NUDCD1: variants seen among roughly 807,000 people sequenced by gnomAD.
NUDCD1 encodes NudC domain containing 1.
NUDCD1 carries 60 observed loss-of-function variants against 67.8 expected under a neutral mutation model. The ratio of observed to expected loss-of-function variants is 0.88; its 90% CI spans 0.72 to 1.10. The LOEUF is 1.10. Ranked by LOEUF, NUDCD1 falls within the 50% of genes least tolerant of loss-of-function variation. The pLI is 0.00. For synonymous variants in NUDCD1, 244 were observed against 230.8 expected (o/e 1.06, Z -0.52); for missense variants, 643 against 695.0 (o/e 0.93, Z 0.84).
intron 7 of NUDCD1, among the ~76,000 whole-genome samples, chr8:109,271,578 C>A (rs1814158180): frequency 6.6e-6 from 1 of 152,048 alleles, no homozygotes; most frequent in Admixed American, 6.6e-5. Flanking sequence ...ACCTGTGGAA[C>A]AATATCAAAT....
intron 4 of NUDCD1, among the ~76,000 whole-genome samples, chr8:109,292,452 T>C (rs1056238530): frequency 1.3e-5 from 2 of 152,064 alleles, no homozygotes; most frequent in Non-Finnish European, 2.9e-5. Context: ...TGTTTTAGAA[T>C]AAAAGGCAAA....
Position 109,240,982 on chromosome 8 carries a change from C to T in NUDCD1, c.*2027G>A, listed in dbSNP as rs887108973. The T allele has an allele frequency of 7.2e-5, 11 of 152,048 alleles. No individual in the cohort carries two copies. The highest frequency in any genetic ancestry group is 2.7e-4 in the African/African-American group (11 of 41,404). The allele number at this position is 152,048 out of a possible 1,614,324, so 9.4% of individuals were successfully genotyped here. A position where few individuals can be genotyped will look rare whatever the true frequency, so the allele number is the denominator to read the frequency against. On this transcript the variant is annotated 3_prime_UTR_variant, in exon 10 of 10. Coordinates refer to ENST00000239690, the MANE Select transcript of NUDCD1 (RefSeq NM_032869.4). ...ATATTTTATAAATTCCTATTTAAAA[C>T]ATGATAAAAATCAACAAAAATACAA...
At position 109,293,311 on chromosome 8, in the gene NUDCD1, A is replaced by G. The variant is rs777961101; in HGVS notation, c.640+33T>C. The G allele has an allele frequency of 1.1e-5, 13 of 1,207,588 alleles. No individual in the cohort carries two copies. In the African/African-American group the frequency reaches 1.7e-4, roughly 16 times the overall value. 74.8% of individuals were successfully genotyped at this position (1,207,588 alleles called of 1,614,324 possible). A position where few individuals can be genotyped will look rare whatever the true frequency, so the allele number is the denominator to read the frequency against. On this transcript the variant is annotated intron_variant, in intron 4 of 9. Transcript: ENST00000239690. The stretch of plus-strand genomic sequence containing the variant: ...TTTCAAAATCTACTAAATAATGCCA[A>G]CCAGTAGAGACAGATTCAGACTTTT...
intron 5 of NUDCD1, among the ~76,000 whole-genome samples, chr8:109,282,661 C>T (rs1814474662): frequency 7.2e-6 from 1 of 138,428 alleles, no homozygotes; most frequent in Non-Finnish European, 1.5e-5. Context: ...GGGAGGGGAA[C>T]ATCACACACC....
intron 1 of NUDCD1, among the ~76,000 whole-genome samples, chr8:109,326,780 G>GC (rs1431275267): frequency 1.3e-5 from 2 of 152,120 alleles, no homozygotes; most frequent in Non-Finnish European, 2.9e-5. Context: ...AAGGGCTATA[G>GC]TTTTTCATTC....
chr8:109,296,681 T>TTCC (rs1814851132), intron 2 of NUDCD1, 112 bp from the exon 3 acceptor site: 1 of 711,674 alleles, frequency 1.4e-6, no homozygotes, highest in Non-Finnish European at 2.3e-6. Flanking sequence ...TGGAGTCTAA[T>TTCC]TCCTCTTCCT....
chr8:109,327,898 G>C lies in NUDCD1; in HGVS notation c.119-5435C>G, dbSNP rs577622624. Among the ~76,000 whole-genome samples, 9 of 152,216 alleles carry C rather than the reference G, an allele frequency of 5.9e-5. No homozygotes were observed. The East Asian group carries it at 1.5e-3, about 26-fold the overall frequency. On this transcript the variant is annotated intron_variant, in intron 1 of 9. Transcript: ENST00000239690. ...TGTTCTTCTCAAACTTCTTTAAAAA[G>C]CTGTTTATACATCCATTTTCTCACT...
chr8:109,277,522 C>G (rs961300387), intron 6 of NUDCD1, among the ~76,000 whole-genome samples: 29 of 151,854 alleles, frequency 1.9e-4, no homozygotes, highest in African/African-American at 6.8e-4. Flanking sequence ...TTAAAAAAAT[C>G]TTTCCAAAGT....
chr8:109,286,171 A>G (rs1420678385), intron 5 of NUDCD1, among the ~76,000 whole-genome samples: 3 of 152,200 alleles, frequency 2.0e-5, no homozygotes, highest in Non-Finnish European at 2.9e-5. Flanking sequence ...AGACAACTGG[A>G]AAGACATTCC....
chr8:109,264,187 C>T (rs763477532), intron 8 of NUDCD1, among the ~76,000 whole-genome samples: 1 of 152,088 alleles, frequency 6.6e-6, no homozygotes, highest in Non-Finnish European at 1.5e-5. Context: ...TCATTTTTAC[C>T]TGAAACAACA....
chr8:109,319,388 C>T (rs1815479526), intron 2 of NUDCD1, among the ~76,000 whole-genome samples: 1 of 152,340 alleles, frequency 6.6e-6, no homozygotes, highest in African/African-American at 2.4e-5. Flanking sequence ...AAGAGACTAT[C>T]TGGCCCACAA....
intron 1 of NUDCD1, among the ~76,000 whole-genome samples, chr8:109,323,099 G>T (rs1563685668): frequency 6.6e-6 from 1 of 152,100 alleles, no homozygotes; most frequent in Non-Finnish European, 1.5e-5. Flanking sequence ...TAGCAAATGT[G>T]ATCTCTTCCT....
intron 8 of NUDCD1, among the ~76,000 whole-genome samples, chr8:109,245,829 G>A (rs1474027123): frequency 6.6e-6 from 1 of 152,084 alleles, no homozygotes; most frequent in African/African-American, 2.4e-5. Context: ...ATAAAGCAGG[G>A]GTCCCCAGTC....
chr8:109,277,187 C>T (rs1354924699), intron 6 of NUDCD1, among the ~76,000 whole-genome samples: 2 of 152,122 alleles, frequency 1.3e-5, no homozygotes, highest in African/African-American at 4.8e-5. Context: ...GGTTAAGCAA[C>T]TTGCCAAGGT....
intron 1 of NUDCD1, among the ~76,000 whole-genome samples, chr8:109,325,443 C>T (rs1815657029): frequency 1.3e-5 from 2 of 152,120 alleles, no homozygotes; most frequent in Non-Finnish European, 2.9e-5. Flanking sequence ...CGTATGCATG[C>T]ATCAAAATAT....
At chr8:109,329,689 C>T (rs574543770) in intron 1 of NUDCD1, 15 of 852,866 alleles carry the variant, frequency 1.8e-5, no homozygotes, top group Middle Eastern at 3.3e-4. Flanking sequence ...GATGATTTCA[C>T]GGGTGTATAC....
chr8:109,321,994 T>G (rs1435711560), intron 2 of NUDCD1, among the ~76,000 whole-genome samples: 8 of 152,016 alleles, frequency 5.3e-5, no homozygotes, highest in Non-Finnish European at 8.8e-5. Context: ...AAAAGCAAAT[T>G]CATCATTATA....
chr8:109,326,582 T>G (rs1282963321), intron 1 of NUDCD1, among the ~76,000 whole-genome samples: 1 of 152,178 alleles, frequency 6.6e-6, no homozygotes, highest in Non-Finnish European at 1.5e-5. Context: ...AGTAAATATT[T>G]TATTATTTAA....
At chr8:109,298,610 G>C (rs1366418478) in intron 2 of NUDCD1, 2 of 152,084 alleles carry the variant, frequency 1.3e-5, no homozygotes, top group African/African-American at 2.4e-5. Context: ...GTAAATAAAA[G>C]GCATGTAAGA....
Sources: gnomAD v4.1 joint callset for allele counts (sites outside exome capture counted in the v4.1 genomes callset) on GRCh38, gnomAD v4.1.1 for gene constraint, MANE v1.5 for transcripts, NCBI Gene and HGNC (gene_info 2026-07-23, HGNC 2026-07-21) for gene names.